The following PAPSS2 variants were observed in gnomAD, a reference collection of about 807,000 sequenced individuals.
PAPSS2 encodes bifunctional 3'-phosphoadenosine 5'-phosphosulfate synthase 2.
A neutral mutation model predicts 66.5 loss-of-function variants in PAPSS2; 61 were observed. That is an observed-to-expected ratio of 0.92 (90% CI 0.75 to 1.14). The LOEUF is 1.14. PAPSS2 is among the 50% of genes most tolerant of loss of function. PAPSS2 has a pLI of 0.00. For missense variants in PAPSS2, 708 were observed against 789.6 expected, an observed-to-expected ratio of 0.90 and a Z score of 1.24; for synonymous variants, 289 against 287.5, an observed-to-expected ratio of 1.01 and a Z score of -0.05.
chr10:87,695,134 G>T (rs1483055665), intron 1 of PAPSS2, among the ~76,000 whole-genome samples: 1 of 113,302 alleles, frequency 8.8e-6, no homozygotes, highest in Non-Finnish European at 1.7e-5. Flanking sequence ...TACCCTGGTG[G>T]CTTATAAAAA....
chr10:87,731,510 G>A (rs114217372), intron 9 of PAPSS2, among the ~76,000 whole-genome samples: 2,847 of 152,296 alleles, frequency 0.019, 81 homozygotes, highest in African/African-American at 0.064. Flanking sequence ...TTTTGTAAGG[G>A]TATAGCTGCT....
chr10:87,712,601 G>A (rs1194614255), intron 2 of PAPSS2, among the ~76,000 whole-genome samples: 1 of 152,078 alleles, frequency 6.6e-6, no homozygotes, highest in East Asian at 1.9e-4. Flanking sequence ...GACCACAGGA[G>A]TGCACCACCA....
At chr10:87,679,998 C>T (rs1852999192) in intron 1 of PAPSS2, among the ~76,000 whole-genome samples, 1 of 147,988 alleles carries the variant, frequency 6.8e-6, no homozygotes, top group African/African-American at 2.5e-5. Context: ...CACTGCGCTC[C>T]AGCCTGAGCA....
Position 87,746,545 on chromosome 10 carries a change from AAT to A in PAPSS2, c.*576_*577del, listed in dbSNP as rs1321680672. ...GTTGAAGACCTGACTGGAGAAACAA[AAT>A]GTGCAATAACGTGAATTTTATCTTA... On this transcript the variant is annotated 3_prime_UTR_variant, in exon 13 of 13. Transcript: ENST00000456849. 3 of 152,354 alleles carry A rather than the reference AAT, an allele frequency of 2.0e-5. No individual in the cohort carries two copies. The highest frequency in any genetic ancestry group is 7.2e-5 in the African/African-American group (3 of 41,452). 9.4% of individuals were successfully genotyped at this position (152,354 alleles called of 1,614,324 possible). A position where few individuals can be genotyped will look rare whatever the true frequency, so the allele number is the denominator to read the frequency against.
intron 6 of PAPSS2, among the ~76,000 whole-genome samples, chr10:87,715,437 G>T (rs1853521067): frequency 6.6e-6 from 1 of 152,174 alleles, no homozygotes; most frequent in Non-Finnish European, 1.5e-5. Flanking sequence ...AAGAAAGAAA[G>T]AATAAACAGT....
At chr10:87,680,234 A>T (rs79488509) in intron 1 of PAPSS2, among the ~76,000 whole-genome samples, 1 of 152,294 alleles carries the variant, frequency 6.6e-6, no homozygotes, top group East Asian at 1.9e-4. Context: ...CAGATTTGGG[A>T]ACTAGACCCG....
intron 1 of PAPSS2, among the ~76,000 whole-genome samples, chr10:87,680,857 A>G (rs745790376): frequency 6.6e-5 from 10 of 152,056 alleles, no homozygotes; most frequent in Non-Finnish European, 1.0e-4. Context: ...TCTACGTTAT[A>G]CAATCTTTTG....
Position 87,745,869 on chromosome 10 carries a change from A to AGGAAGCTCGCCCGGGAAGGAG in PAPSS2, c.1760_1780dup (p.Gly593_Glu594insGlyLysLeuAlaArgGluGly). On this transcript the variant is annotated inframe_insertion, in exon 13 of 13. Coordinates refer to ENST00000456849, the MANE Select transcript of PAPSS2 (RefSeq NM_001015880.2). ...TGACTTCATCTCAGGAACTCGAATGAGGAAGCTCGCCCGGGAAGGAGAGAA... is the reference window on the plus strand; with the variant it reads ...TGACTTCATCTCAGGAACTCGAATGAGGAAGCTCGCCCGGGAAGGAGGGAAGCTCGCCCGGGAAGGAGAGAA... 6.2e-7 allele frequency: 1 copy of AGGAAGCTCGCCCGGGAAGGAG among 1,614,122 alleles called. No homozygotes were observed. Among genetic ancestry groups the AGGAAGCTCGCCCGGGAAGGAG allele is most frequent in the Non-Finnish European group, 8.5e-7 (1 of 1,179,998 alleles).
At chr10:87,678,473 C>T (rs1852976490) in intron 1 of PAPSS2, among the ~76,000 whole-genome samples, 1 of 152,012 alleles carries the variant, frequency 6.6e-6, no homozygotes, top group Non-Finnish European at 1.5e-5. Context: ...AAAGCTTCTG[C>T]ACAACAAAGG....
chr10:87,680,482 A>G (rs1457965832), intron 1 of PAPSS2, among the ~76,000 whole-genome samples: 1 of 152,164 alleles, frequency 6.6e-6, no homozygotes, highest in Non-Finnish European at 1.5e-5. Flanking sequence ...AGAAGGAGCC[A>G]TGGTGGGTCT....
At chr10:87,680,415 A>G (rs1191718600) in intron 1 of PAPSS2, among the ~76,000 whole-genome samples, 5 of 152,146 alleles carry the variant, frequency 3.3e-5, no homozygotes, top group Non-Finnish European at 7.4e-5. Context: ...CCCAGGAACA[A>G]GCTTTCATTC....
At position 87,719,919 on chromosome 10, in the gene PAPSS2, T is replaced by C. The variant is rs549134230; in HGVS notation, c.866-1837T>C. ...TTTATTTTTTGAGACAGAGTCTCGC[T>C]CTGTTGCCCAGGCTGGAGTGCAGTG... On this transcript the variant is annotated intron_variant, in intron 7 of 12. Transcript: ENST00000456849. 3.3e-5 allele frequency among the ~76,000 whole-genome samples: 5 copies of C among 152,302 alleles called. No individual in the cohort carries two copies. The East Asian group carries it at 9.6e-4, about 29-fold the overall frequency.
chr10:87,745,938 A>C lies in PAPSS2; in HGVS notation c.1828A>C (p.Thr610Pro). ...GGCCCCCAAAGCATGGAAGGTCCTG[A>C]CAGATTATTACAGGTCCCTGGAGAA... ...FMAPKAWKVL[T>P]DYYRSLEKN Residue 610 changes from threonine to proline, a missense_variant, in exon 13 of 13, where the codon ACA becomes CCA. Thr to Pro is a conservative substitution (Grantham distance 38, BLOSUM62 -1). Coordinates refer to ENST00000456849, the MANE Select transcript of PAPSS2 (RefSeq NM_001015880.2). 6.2e-7 allele frequency: 1 copy of C among 1,614,064 alleles called. No homozygotes were observed. Among genetic ancestry groups the C allele is most frequent in the Non-Finnish European group, 8.5e-7 (1 of 1,179,950 alleles).
chr10:87,705,100 C>G (rs1422542175), intron 1 of PAPSS2, among the ~76,000 whole-genome samples: 5 of 152,168 alleles, frequency 3.3e-5, no homozygotes, highest in Non-Finnish European at 7.3e-5. Context: ...TGCCATCACC[C>G]CAGAAGCAAC....
rs1428659833 is a variant in PAPSS2 at position 87,746,513 on chromosome 10, C to A, written c.*543C>A. On this transcript the variant is annotated 3_prime_UTR_variant, in exon 13 of 13. Coordinates refer to ENST00000456849, the MANE Select transcript of PAPSS2 (RefSeq NM_001015880.2). ...CAAAGCCTTAATGTTGTAATCATATCTTACGTGTTGAAGACCTGACTGGAG... is the reference window on the plus strand; with the variant it reads ...CAAAGCCTTAATGTTGTAATCATATATTACGTGTTGAAGACCTGACTGGAG... The A allele has an allele frequency of 6.6e-6, 1 of 152,260 alleles. No individual in the cohort carries two copies. The highest frequency in any genetic ancestry group is 1.5e-5 in the Non-Finnish European group (1 of 68,208). 9.4% of individuals were successfully genotyped at this position (152,260 alleles called of 1,614,324 possible).
At chr10:87,718,081 C>T (rs1853553205) in intron 7 of PAPSS2, among the ~76,000 whole-genome samples, 1 of 151,100 alleles carries the variant, frequency 6.6e-6, no homozygotes, top group South Asian at 2.1e-4. Flanking sequence ...CTTGCTCTGT[C>T]ACCCAGGCTG....
chr10:87,698,682 T>A (rs1301393198), intron 1 of PAPSS2, among the ~76,000 whole-genome samples: 1 of 152,196 alleles, frequency 6.6e-6, no homozygotes, highest in Non-Finnish European at 1.5e-5. Context: ...CAATCTCTCT[T>A]TACACAAAAT....
chr10:87,716,873 T>C (rs958630261), intron 7 of PAPSS2, among the ~76,000 whole-genome samples: 1 of 152,366 alleles, frequency 6.6e-6, no homozygotes, highest in Admixed American at 6.5e-5. Flanking sequence ...TGCATATCCC[T>C]ATACCACGTC....
In PAPSS2 at chr10:87,714,793, G is replaced by T. The variant is rs553978532; in HGVS notation, c.569G>T (p.Arg190Leu). The T allele has an allele frequency of 1.9e-6, 3 of 1,613,472 alleles. No homozygotes were observed. Among genetic ancestry groups the T allele is most frequent in the African/African-American group, 2.7e-5 (2 of 75,018 alleles). The change falls in exon 5 of 13, where the codon CGT (arginine) becomes CTT (leucine). Residue 190 changes from arginine (R) to leucine (L), a missense_variant. Physicochemically the swap from Arg to Leu is moderately radical, Grantham distance 102. Transcript: ENST00000456849. ...TATGAGAAACCTGAAACTCCTGAGC[G>T]TGTGCTTAAAACCAATTTGTCCACA... ...SDYEKPETPE[R>L]VLKTNLSTVS...
Sources: allele counts gnomAD v4.1 joint callset (sites outside exome capture counted in the v4.1 genomes callset), GRCh38; gene constraint gnomAD v4.1.1; transcripts MANE v1.5; gene names NCBI Gene and HGNC (gene_info 2026-07-23, HGNC 2026-07-21).